Variants in RBFOX1 observed in about 807,000 individuals in gnomAD.
RBFOX1 encodes the protein RNA binding protein fox-1 homolog 1.
In RBFOX1, 8 loss-of-function variants were observed where a neutral mutation model predicts 57.7. That is an observed-to-expected ratio of 0.14 (90% CI 0.08 to 0.25). The LOEUF is 0.25. Among genes scored for constraint, RBFOX1 ranks in the 10% least tolerant of loss-of-function variants. RBFOX1 has a pLI of 1.00. For missense variants in RBFOX1, 611 were observed against 548.5 expected, an observed-to-expected ratio of 1.11 and a Z score of -1.14; for synonymous variants, 326 against 222.4, an observed-to-expected ratio of 1.47 and a Z score of -4.15.
At chr16:6,709,198 TA>T (rs990625583) in intron 3 of RBFOX1, among the ~76,000 whole-genome samples, 7 of 152,196 alleles carry the variant, frequency 4.6e-5, no homozygotes, top group African/African-American at 1.4e-4. Flanking sequence ...GGCCTGTTTT[TA>T]AAAGGTTGCA....
chr16:6,843,162 T>C (rs2093579934), intron 3 of RBFOX1, among the ~76,000 whole-genome samples: 1 of 152,176 alleles, frequency 6.6e-6, no homozygotes, highest in Non-Finnish European at 1.5e-5. Context: ...CATATGATTC[T>C]CTGAGCAAAG....
chr16:6,316,680 C>T (rs1371040787), intron 1 of RBFOX1, among the ~76,000 whole-genome samples: 1 of 152,096 alleles, frequency 6.6e-6, no homozygotes, highest in African/African-American at 2.4e-5. Flanking sequence ...TGTTGACTTG[C>T]CCGAGTTCAA....
rs2096693884 is a variant in RBFOX1 at position 6,139,285 on chromosome 16, C to T, written c.-127+119293C>T. On this transcript the variant is annotated intron_variant, in intron 1 of 15. Coordinates refer to ENST00000550418, the MANE Select transcript of RBFOX1 (RefSeq NM_018723.4). Reference sequence around the variant, plus strand: ...CTGTTATTTTCCTGAGTGATACGATCGTTTCAGGAAGTATAAGGAGGTGGA... The same window carrying T: ...CTGTTATTTTCCTGAGTGATACGATTGTTTCAGGAAGTATAAGGAGGTGGA... Among the ~76,000 whole-genome samples, 5 of 152,250 alleles carry T rather than the reference C, an allele frequency of 3.3e-5. No homozygotes were observed. The South Asian group carries it at 6.2e-4, about 19-fold the overall frequency.
chr16:7,617,690 G>C (rs990143075), intron 10 of RBFOX1, among the ~76,000 whole-genome samples: 1 of 151,970 alleles, frequency 6.6e-6, no homozygotes, highest in African/African-American at 2.4e-5. Context: ...TTATAGTATC[G>C]GGCGCTAGAC....
chr16:6,764,886 G>A (rs914452537), intron 3 of RBFOX1, among the ~76,000 whole-genome samples: 29 of 152,076 alleles, frequency 1.9e-4, no homozygotes, highest in African/African-American at 6.8e-4. Context: ...GCAGTGAGCC[G>A]AGATTGTGCC....
At chr16:5,530,300 C>A (rs2044415802) in intron 2 of RBFOX1, among the ~76,000 whole-genome samples, 1 of 152,160 alleles carries the variant, frequency 6.6e-6, no homozygotes. Flanking sequence ...TTGTGCCTGG[C>A]CTTTCTCTCA....
At chr16:5,300,597 G>A (rs962318859) in intron 1 of RBFOX1, among the ~76,000 whole-genome samples, 27 of 152,192 alleles carry the variant, frequency 1.8e-4, no homozygotes, top group African/African-American at 6.3e-4. Context: ...ATTTTTTAAA[G>A]ATTTGATGAA....
intron 1 of RBFOX1, among the ~76,000 whole-genome samples, chr16:6,294,556 C>A (rs758399431): frequency 3.3e-5 from 5 of 152,180 alleles, no homozygotes; most frequent in Non-Finnish European, 5.9e-5. Flanking sequence ...TATGAAGGTG[C>A]CTGCTTGTAG....
chr16:6,809,618 A>G (rs994817837), intron 3 of RBFOX1, among the ~76,000 whole-genome samples: 1 of 152,158 alleles, frequency 6.6e-6, no homozygotes, highest in South Asian at 2.1e-4. Context: ...TTGCTACCCC[A>G]TCCGAAGTCC....
At chr16:7,169,687 A>G (rs2080288874) in intron 4 of RBFOX1, among the ~76,000 whole-genome samples, 1 of 152,226 alleles carries the variant, frequency 6.6e-6, no homozygotes, top group African/African-American at 2.4e-5. Flanking sequence ...TTACTACTAC[A>G]CCAATGTCAA....
chr16:6,929,225 C>A (rs1309918395), intron 3 of RBFOX1, among the ~76,000 whole-genome samples: 2 of 152,076 alleles, frequency 1.3e-5, no homozygotes, highest in Admixed American at 6.6e-5. Flanking sequence ...CTGCTTGGAT[C>A]CTACCCTTTA....
At chr16:6,353,328 T>C (rs2086719077) in intron 2 of RBFOX1, among the ~76,000 whole-genome samples, 1 of 151,986 alleles carries the variant, frequency 6.6e-6, no homozygotes, top group Non-Finnish European at 1.5e-5. Context: ...AGATTTCCAT[T>C]AATTTATTTA....
intron 3 of RBFOX1, among the ~76,000 whole-genome samples, chr16:5,642,933 C>G (rs2048930117): frequency 6.6e-6 from 1 of 152,178 alleles, no homozygotes; most frequent in Non-Finnish European, 1.5e-5. Flanking sequence ...TGCCCGCTCA[C>G]CCACCTGGTA....
At chr16:6,965,904 G>A (rs2084033067) in intron 3 of RBFOX1, among the ~76,000 whole-genome samples, 1 of 152,126 alleles carries the variant, frequency 6.6e-6, no homozygotes, top group Admixed American at 6.5e-5. Context: ...GAAATGCCGG[G>A]AAATAGTAGC....
At chr16:5,927,579 A>C (rs990814202) in intron 4 of RBFOX1, among the ~76,000 whole-genome samples, 13 of 152,238 alleles carry the variant, frequency 8.5e-5, no homozygotes, top group Non-Finnish European at 8.8e-5. Flanking sequence ...CGTATGATCC[A>C]GCAATAGTGC....
intron 3 of RBFOX1, among the ~76,000 whole-genome samples, chr16:7,033,632 A>G (rs946899962): frequency 6.6e-6 from 1 of 152,182 alleles, no homozygotes; most frequent in East Asian, 1.9e-4. Context: ...CTGTGGGGCA[A>G]CTTAACAGAA....
At chr16:7,088,984 C>A (rs1313171469) in intron 4 of RBFOX1, among the ~76,000 whole-genome samples, 1 of 152,180 alleles carries the variant, frequency 6.6e-6, no homozygotes, top group East Asian at 1.9e-4. Context: ...AGGAAGAAGG[C>A]CTTTTTGTTG....
chr16:6,470,051 T>A (rs780414288), intron 2 of RBFOX1, among the ~76,000 whole-genome samples: 1 of 152,220 alleles, frequency 6.6e-6, no homozygotes, highest in Non-Finnish European at 1.5e-5. Context: ...TCATTAAGTA[T>A]CTACTTTGTG....
intron 2 of RBFOX1, among the ~76,000 whole-genome samples, chr16:6,446,347 A>C (rs917317999): frequency 6.6e-6 from 1 of 152,146 alleles, no homozygotes; most frequent in African/African-American, 2.4e-5. Context: ...AGTATTGGTC[A>C]AAAGTTTTAA....
Sources: allele counts gnomAD v4.1 joint callset (sites outside exome capture counted in the v4.1 genomes callset), GRCh38; gene constraint gnomAD v4.1.1; transcripts MANE v1.5; gene names NCBI Gene and HGNC (gene_info 2026-07-23, HGNC 2026-07-21).